The following HS6ST3 variants were observed in gnomAD, a reference collection of about 807,000 sequenced individuals.
The protein encoded by HS6ST3 is heparan sulfate 6-O-sulfotransferase 3.
In HS6ST3, 12 loss-of-function variants were observed where a neutral mutation model predicts 36.7. The observed-to-expected ratio is 0.33, with a 90% CI of 0.21 to 0.53. The LOEUF is 0.53. Ranked by LOEUF, HS6ST3 falls within the 20% of genes least tolerant of loss-of-function variation. The pLI is 0.95. For missense variants in HS6ST3, 584 were observed against 640.9 expected (o/e 0.91, Z 0.96); for synonymous variants, 240 against 257.5 (o/e 0.93, Z 0.65).
intron 1 of HS6ST3, among the ~76,000 whole-genome samples, chr13:96,229,534 C>A (rs1446794724): frequency 6.6e-6 from 1 of 152,148 alleles, no homozygotes; most frequent in Non-Finnish European, 1.5e-5. Context: ...GAAACCCGCC[C>A]TCTAGTGTCT....
intron 1 of HS6ST3, among the ~76,000 whole-genome samples, chr13:96,619,706 G>A (rs975997266): frequency 6.6e-6 from 1 of 152,154 alleles, no homozygotes; most frequent in African/African-American, 2.4e-5. Flanking sequence ...GATTTTATTG[G>A]TTTCAGCTAT....
chr13:96,831,967 A>AC (rs1566464287), intron 1 of HS6ST3, among the ~76,000 whole-genome samples: 3 of 147,300 alleles, frequency 2.0e-5, no homozygotes, highest in East Asian at 3.9e-4. Flanking sequence ...AAAAAAAAAA[A>AC]AAAAAAAAAA....
At chr13:96,706,835 A>G (rs1487147534) in intron 1 of HS6ST3, among the ~76,000 whole-genome samples, 2 of 152,124 alleles carry the variant, frequency 1.3e-5, no homozygotes, top group African/African-American at 4.8e-5. Context: ...GTACCAATAG[A>G]TAAGATTCTT....
At chr13:96,424,696 G>A (rs1313743776) in intron 1 of HS6ST3, among the ~76,000 whole-genome samples, 2 of 152,038 alleles carry the variant, frequency 1.3e-5, no homozygotes, top group Admixed American at 1.3e-4. Flanking sequence ...CTTTTATAAG[G>A]GCACCGGTCC....
rs76310338 is a variant in HS6ST3 at position 96,105,910 on chromosome 13, C to T, written c.707+14341C>T. On this transcript the variant is annotated intron_variant, in intron 1 of 1. Transcript: ENST00000376705. ...TGACTTGGAAATATTTACATCACAA[C>T]ATTTTAGTTAATTCCTGGTATTGTA... is the stretch of plus-strand genomic sequence containing the variant. Among the ~76,000 whole-genome samples the T allele has an allele frequency of 1.5e-4, 23 of 152,250 alleles. No individual in the cohort carries two copies. In the East Asian group the frequency reaches 4.1e-3, roughly 27 times the overall value.
chr13:96,555,571 G>A (rs530024779), intron 1 of HS6ST3, among the ~76,000 whole-genome samples: 51 of 152,230 alleles, frequency 3.4e-4, no homozygotes, highest in African/African-American at 1.2e-3. Context: ...ATTGTATTTG[G>A]TATTATCAGG....
chr13:96,233,858 G>A lies in HS6ST3; in HGVS notation c.707+142289G>A, dbSNP rs2054519620. ...AGAAGGAATTTAAATATAATTCAGG[G>A]AGCTTTTGGGGATTTAGTGTTAAGG... is the stretch of plus-strand genomic sequence containing the variant. On this transcript the variant is annotated intron_variant, in intron 1 of 1. Transcript: ENST00000376705. Among the ~76,000 whole-genome samples the A allele has an allele frequency of 1.3e-5, 2 of 152,172 alleles. 1 individual carries two copies. Among genetic ancestry groups the A allele is most frequent in the South Asian group, 4.2e-4 (2 of 4,806 alleles).
intron 1 of HS6ST3, among the ~76,000 whole-genome samples, chr13:96,442,000 G>A (rs1021854305): frequency 5.3e-5 from 8 of 151,790 alleles, no homozygotes; most frequent in Non-Finnish European, 1.2e-4. Flanking sequence ...TGAAAAGACA[G>A]TGGGCTGATC....
intron 1 of HS6ST3, among the ~76,000 whole-genome samples, chr13:96,110,670 C>T (rs182123551): frequency 2.3e-3 from 354 of 152,226 alleles, no homozygotes; most frequent in Middle Eastern, 6.8e-3. Context: ...CTGATCCCCC[C>T]GCCTCGGCCT....
intron 1 of HS6ST3, among the ~76,000 whole-genome samples, chr13:96,128,183 T>G (rs554742214): frequency 6.6e-6 from 1 of 152,352 alleles, no homozygotes; most frequent in East Asian, 1.9e-4. Flanking sequence ...TTATTAAGTT[T>G]CCTGACTGCA....
intron 1 of HS6ST3, among the ~76,000 whole-genome samples, chr13:96,505,274 T>C (rs2056021799): frequency 6.6e-6 from 1 of 152,134 alleles, no homozygotes; most frequent in Non-Finnish European, 1.5e-5. Flanking sequence ...AGTCTTCCAC[T>C]AAATTTCAAA....
At chr13:96,301,721 ATCTCT>A (rs2054882939) in intron 1 of HS6ST3, among the ~76,000 whole-genome samples, 4 of 151,962 alleles carry the variant, frequency 2.6e-5, no homozygotes, top group Non-Finnish European at 5.9e-5. Context: ...GTGAAATCCC[ATCTCT>A]ACTAAAAATA....
At chr13:96,433,113 T>C (rs2055624072) in intron 1 of HS6ST3, among the ~76,000 whole-genome samples, 1 of 152,226 alleles carries the variant, frequency 6.6e-6, no homozygotes, top group African/African-American at 2.4e-5. Context: ...CTGTGTTCTT[T>C]GTTTTTTGTC....
chr13:96,352,423 CT>C (rs1009775566), intron 1 of HS6ST3, among the ~76,000 whole-genome samples: 25 of 152,316 alleles, frequency 1.6e-4, no homozygotes, highest in African/African-American at 6.0e-4. Context: ...AGTTCCTTCC[CT>C]GTGGGCCTTT....
intron 1 of HS6ST3, among the ~76,000 whole-genome samples, chr13:96,215,727 C>T (rs1477195846): frequency 2.0e-5 from 3 of 151,274 alleles, no homozygotes; most frequent in Non-Finnish European, 4.4e-5. Flanking sequence ...GAAAATAGTG[C>T]AAGGTAGAAT....
intron 1 of HS6ST3, among the ~76,000 whole-genome samples, chr13:96,535,557 CAA>C (rs5805976): frequency 7.2e-5 from 9 of 125,198 alleles, no homozygotes; most frequent in South Asian, 5.3e-4. Flanking sequence ...GACTCTGTTT[CAA>C]AAAAAAAAAA....
At chr13:96,574,861 C>T (rs139599238) in intron 1 of HS6ST3, among the ~76,000 whole-genome samples, 99 of 152,282 alleles carry the variant, frequency 6.5e-4, no homozygotes, top group African/African-American at 1.8e-3. Flanking sequence ...GGGTTGAACA[C>T]ACACACACCC....
chr13:96,535,303 T>G (rs772804860), intron 1 of HS6ST3, among the ~76,000 whole-genome samples: 3 of 152,042 alleles, frequency 2.0e-5, no homozygotes, highest in Non-Finnish European at 2.9e-5. Context: ...ATGCCTGTAA[T>G]CCCTGCACTT....
intron 1 of HS6ST3, among the ~76,000 whole-genome samples, chr13:96,781,768 T>C (rs967911642): frequency 3.3e-5 from 5 of 152,260 alleles, no homozygotes; most frequent in Admixed American, 1.3e-4. Context: ...TGAACCTTTT[T>C]TTCATTTCTT....
Sources: gnomAD v4.1 joint callset for allele counts (sites outside exome capture counted in the v4.1 genomes callset) on GRCh38, gnomAD v4.1.1 for gene constraint, MANE v1.5 for transcripts, NCBI Gene and HGNC (gene_info 2026-07-23, HGNC 2026-07-21) for gene names.